DTNA: variants seen among roughly 807,000 people sequenced by gnomAD.
DTNA encodes dystrophin-related protein 3.
A neutral mutation model predicts 100.7 loss-of-function variants in DTNA; 43 were observed. The observed-to-expected ratio is 0.43, with a 90% CI of 0.33 to 0.55. The LOEUF is 0.55. Among genes scored for constraint, DTNA ranks in the 20% least tolerant of loss-of-function variants. The pLI is 0.04. For synonymous variants in DTNA, 349 were observed against 347.9 expected (o/e 1.00, Z -0.04); for missense variants, 798 against 953.9 (o/e 0.84, Z 2.15).
At chr18:34,603,094 T>A (rs893422991) in intron 1 of DTNA, among the ~76,000 whole-genome samples, 2 of 151,846 alleles carry the variant, frequency 1.3e-5, no homozygotes, top group African/African-American at 4.8e-5. Flanking sequence ...TGGTGGTGTG[T>A]GCCTGTAGTT....
chr18:34,882,305 C>T, intron 21 of DTNA, 104 bp downstream of exon 21: 1 of 1,474,486 alleles, frequency 6.8e-7, no homozygotes, highest in Non-Finnish European at 9.2e-7. Context: ...TCCTTCCACC[C>T]TCCCTTTTCA....
At chr18:34,781,200 T>C (rs947462401) in intron 3 of DTNA, among the ~76,000 whole-genome samples, 7 of 152,238 alleles carry the variant, frequency 4.6e-5, no homozygotes, top group Admixed American at 2.0e-4. Context: ...CACTTGATTT[T>C]CATTATTCAG....
rs2059949868 is a variant in DTNA at position 34,647,217 on chromosome 18, T to C, written c.-1-108759T>C. ...TTTTTACATTATTAGAAAAGCCACA[T>C]GTATAATAAATTAGGTGATATGACA... On this transcript the variant is annotated intron_variant, in intron 1 of 19. Transcript: ENST00000283365. 2.0e-5 allele frequency among the ~76,000 whole-genome samples: 3 copies of C among 152,080 alleles called. No individual in the cohort carries two copies. In the South Asian group the frequency reaches 6.2e-4, roughly 32 times the overall value.
At chr18:34,788,221 A>G (rs2094577095) in intron 3 of DTNA, among the ~76,000 whole-genome samples, 1 of 152,344 alleles carries the variant, frequency 6.6e-6, no homozygotes, top group African/African-American at 2.4e-5. Flanking sequence ...ATATTTATAC[A>G]ACTGTCAGAC....
At chr18:34,760,631 G>C (rs930499355) in intron 2 of DTNA, among the ~76,000 whole-genome samples, 2 of 152,202 alleles carry the variant, frequency 1.3e-5, no homozygotes, top group African/African-American at 4.8e-5. Flanking sequence ...TCCCTGCCAA[G>C]GCGGCTGCCT....
intron 4 of DTNA, among the ~76,000 whole-genome samples, chr18:34,801,837 A>G (rs9941404): frequency 0.15 from 22,760 of 152,192 alleles, 2,076 homozygotes; most frequent in African/African-American, 0.26. Context: ...AAAATGATAT[A>G]CTAATATTAA....
intron 1 of DTNA, among the ~76,000 whole-genome samples, chr18:34,510,486 T>C (rs2040952632): frequency 6.6e-6 from 1 of 152,124 alleles, no homozygotes; most frequent in East Asian, 1.9e-4. Context: ...TCCTCCCTGT[T>C]CCATCAGTCA....
chr18:34,519,700 A>T (rs1348202012), intron 1 of DTNA, among the ~76,000 whole-genome samples: 1 of 152,200 alleles, frequency 6.6e-6, no homozygotes, highest in African/African-American at 2.4e-5. Flanking sequence ...ATGAAGTCTC[A>T]TACAGAACTG....
In DTNA at chr18:34,888,496, T is replaced by C. The variant is rs955097560; in HGVS notation, c.*762T>C. On this transcript the variant is annotated 3_prime_UTR_variant, in exon 23 of 23. Coordinates refer to ENST00000444659, the MANE Select transcript of DTNA (RefSeq NM_001386795.1). ...AACTCGAGGTTGTTTTCTTTCAAGA[T>C]ACTCTAATCAGCCATAGAATTTAGT... 1 of 985,858 alleles carries C rather than the reference T, an allele frequency of 1.0e-6. No homozygotes were observed. Among genetic ancestry groups the C allele is most frequent in the Non-Finnish European group, 1.2e-6 (1 of 829,936 alleles). 61.1% of individuals were successfully genotyped at this position (985,858 alleles called of 1,614,324 possible).
chr18:34,496,754 T>C (rs1481583428), intron 1 of DTNA, among the ~76,000 whole-genome samples: 2 of 152,228 alleles, frequency 1.3e-5, no homozygotes, highest in Non-Finnish European at 2.9e-5. Context: ...GAATATCTAT[T>C]AAAGGATTCT....
chr18:34,865,964 G>A, intron 17 of DTNA: 1 of 855,474 alleles, frequency 1.2e-6, no homozygotes, highest in Non-Finnish European at 2.0e-6. Flanking sequence ...AAGTAGACTT[G>A]GAGTGATAGT....
intron 1 of DTNA, among the ~76,000 whole-genome samples, chr18:34,662,547 A>G (rs1281787085): frequency 1.3e-5 from 2 of 152,200 alleles, no homozygotes; most frequent in Non-Finnish European, 2.9e-5. Context: ...TCTCAGTCTC[A>G]CTTAAAATAG....
At chr18:34,808,259 A>G (rs2095412890) in intron 5 of DTNA, among the ~76,000 whole-genome samples, 1 of 152,016 alleles carries the variant, frequency 6.6e-6, no homozygotes, top group South Asian at 2.1e-4. Context: ...CTGTCTTTCC[A>G]CTCAGCTTTG....
intron 4 of DTNA, among the ~76,000 whole-genome samples, chr18:34,802,624 G>A (rs2095252977): frequency 6.6e-6 from 1 of 152,172 alleles, no homozygotes; most frequent in Non-Finnish European, 1.5e-5. Flanking sequence ...CTGATAACCA[G>A]AGGAATATAT....
chr18:34,753,366 A>ATTTTATT (rs2092500633), intron 1 of DTNA, among the ~76,000 whole-genome samples: 2 of 133,150 alleles, frequency 1.5e-5, no homozygotes, highest in African/African-American at 6.4e-5. Context: ...TATTTATTTT[A>ATTTTATT]TTTTTTTTTT....
intron 1 of DTNA, among the ~76,000 whole-genome samples, chr18:34,629,517 G>A (rs2148064095): frequency 6.6e-6 from 1 of 152,238 alleles, no homozygotes; most frequent in South Asian, 2.1e-4. Context: ...AGTGGTCCCA[G>A]GAATTCACTC....
chr18:34,634,898 T>C (rs1210851090), intron 1 of DTNA, among the ~76,000 whole-genome samples: 1 of 152,184 alleles, frequency 6.6e-6, no homozygotes, highest in Non-Finnish European at 1.5e-5. Context: ...TGCGTTGTGC[T>C]GAAAATTTTA....
chr18:34,866,553 C>A (rs1241832624), intron 17 of DTNA: 13 of 1,062,408 alleles, frequency 1.2e-5, no homozygotes, highest in East Asian at 7.0e-5. Context: ...AACCTCTACA[C>A]CCACTCACAC....
At chr18:34,592,896 A>C (rs1183592593) in intron 1 of DTNA, among the ~76,000 whole-genome samples, 4 of 152,178 alleles carry the variant, frequency 2.6e-5, no homozygotes, top group Non-Finnish European at 4.4e-5. Context: ...TAAGAAAAAA[A>C]ATTTACTATT....
Sources: gnomAD v4.1 joint callset for allele counts (sites outside exome capture counted in the v4.1 genomes callset) on GRCh38, gnomAD v4.1.1 for gene constraint, MANE v1.5 for transcripts, NCBI Gene and HGNC (gene_info 2026-07-23, HGNC 2026-07-21) for gene names.